The following MELK variants were observed in gnomAD, a reference collection of about 807,000 sequenced individuals.
MELK encodes the protein pEg3 kinase.
Under a neutral mutation model 85.0 loss-of-function variants are expected in MELK, and 81 were observed. That is an observed-to-expected ratio of 0.95 (90% CI 0.80 to 1.15). MELK has a LOEUF of 1.15. Ranked by LOEUF, MELK falls within the 50% of genes most tolerant of loss-of-function variation. The probability of loss-of-function intolerance (pLI) is 0.00; values close to 1 mark genes in which losing one functional copy is unlikely to be tolerated. For missense variants in MELK, 754 were observed against 777.5 expected (o/e 0.97, Z 0.36); for synonymous variants, 252 against 265.0 (o/e 0.95, Z 0.48).
intron 11 of MELK, among the ~76,000 whole-genome samples, chr9:36,649,756 G>A (rs191632879): frequency 2.6e-5 from 4 of 151,858 alleles, no homozygotes; most frequent in African/African-American, 7.3e-5. Flanking sequence ...GCGATAGAGC[G>A]AGACTCTATC....
intron 15 of MELK, 29 bp from the exon 16 acceptor site, chr9:36,670,969 C>A: frequency 6.3e-7 from 1 of 1,587,460 alleles, no homozygotes; most frequent in South Asian, 1.2e-5. Flanking sequence ...CCCAGCTCTA[C>A]TTGTGCCTTG....
intron 16 of MELK, among the ~76,000 whole-genome samples, 191 bp downstream of exon 16, chr9:36,671,357 C>T (rs895513820): frequency 2.6e-5 from 4 of 152,156 alleles, no homozygotes; most frequent in Non-Finnish European, 5.9e-5. Flanking sequence ...CAGTCACTCC[C>T]TTCAAGGAGC....
chr9:36,672,254 G>C (rs935249927), intron 16 of MELK, among the ~76,000 whole-genome samples: 1 of 152,032 alleles, frequency 6.6e-6, no homozygotes, highest in African/African-American at 2.4e-5. Flanking sequence ...CTGTGTATTA[G>C]GCATATTTTA....
At chr9:36,615,559 G>A (rs1299630936) in intron 8 of MELK, among the ~76,000 whole-genome samples, 1 of 137,340 alleles carries the variant, frequency 7.3e-6, no homozygotes, top group African/African-American at 3.2e-5. Context: ...CTTCCCAGAT[G>A]GGGTGGCTGC....
At chr9:36,594,244 T>C (rs1466359128) in intron 4 of MELK, among the ~76,000 whole-genome samples, 2 of 152,206 alleles carry the variant, frequency 1.3e-5, no homozygotes, top group East Asian at 3.8e-4. Flanking sequence ...GTCTTTGGGA[T>C]AGAGAAACAA....
At chr9:36,650,239 G>A (rs1212150080) in intron 11 of MELK, among the ~76,000 whole-genome samples, 1 of 145,844 alleles carries the variant, frequency 6.9e-6, no homozygotes, top group Non-Finnish European at 1.5e-5. Flanking sequence ...CACCGCACCC[G>A]GCCTCTATTT....
chr9:36,666,586 C>A (rs1225550901), intron 14 of MELK, among the ~76,000 whole-genome samples: 2 of 152,128 alleles, frequency 1.3e-5, no homozygotes, highest in Non-Finnish European at 2.9e-5. Flanking sequence ...TCTCAAGTTT[C>A]AAGATTCTAA....
At chr9:36,609,394 T>TGAG (rs1491313828) in intron 8 of MELK, among the ~76,000 whole-genome samples, 1 of 151,274 alleles carries the variant, frequency 6.6e-6, no homozygotes, top group Non-Finnish European at 1.5e-5. Context: ...CATAGCAAAC[T>TGAG]GAGGTCAGAC....
chr9:36,672,728 C>T (rs1203677921), intron 16 of MELK, among the ~76,000 whole-genome samples: 4 of 152,112 alleles, frequency 2.6e-5, no homozygotes, highest in African/African-American at 9.7e-5. Flanking sequence ...GATGTAGAAA[C>T]AAGACTCTAC....
chr9:36,652,129 C>A (rs1195726444), intron 12 of MELK, among the ~76,000 whole-genome samples: 1 of 139,808 alleles, frequency 7.2e-6, no homozygotes, highest in Non-Finnish European at 1.5e-5. Flanking sequence ...TCACTGCAAC[C>A]TCTGCCTCCG....
At chr9:36,608,300 AAAAG>A (rs1825758044) in intron 8 of MELK, among the ~76,000 whole-genome samples, 1 of 150,574 alleles carries the variant, frequency 6.6e-6, no homozygotes, top group Non-Finnish European at 1.5e-5. Flanking sequence ...AAAAAAAAAA[AAAAG>A]GCACATTCAC....
chr9:36,644,209 TTGTGTGTGTGTGTG>T (rs55796800), intron 11 of MELK, among the ~76,000 whole-genome samples: 80 of 145,414 alleles, frequency 5.5e-4, no homozygotes, highest in African/African-American at 1.7e-3. Flanking sequence ...TACCTGTGTT[TTGTGTGTGTGTGTG>T]TGTGTGTGTG....
At chr9:36,597,614 T>C (rs748364094) in intron 6 of MELK, among the ~76,000 whole-genome samples, 84 of 152,172 alleles carry the variant, frequency 5.5e-4, no homozygotes, top group Non-Finnish European at 1.1e-3. Flanking sequence ...GCAGTTTGAG[T>C]ATATTGCCAC....
At chr9:36,628,976 C>T (rs1210569922) in intron 8 of MELK, among the ~76,000 whole-genome samples, 2 of 150,840 alleles carry the variant, frequency 1.3e-5, no homozygotes, top group East Asian at 3.9e-4. Context: ...AAGCAGTTCT[C>T]CTGCCTCAGC....
intron 12 of MELK, among the ~76,000 whole-genome samples, chr9:36,652,307 A>G (rs1830788967): frequency 6.6e-6 from 1 of 150,526 alleles, no homozygotes; most frequent in Non-Finnish European, 1.5e-5. Context: ...TCGGCCTCCC[A>G]AAGTGCTGGG....
intron 12 of MELK, 104 bp from the exon 13 acceptor site, chr9:36,657,137 C>A: frequency 7.6e-7 from 1 of 1,308,610 alleles, no homozygotes; most frequent in Middle Eastern, 2.3e-4. Context: ...TTGCCTAATA[C>A]ATTTCTCAGA....
At chr9:36,667,622 T>C (rs1283416807) in intron 14 of MELK, among the ~76,000 whole-genome samples, 1 of 152,248 alleles carries the variant, frequency 6.6e-6, no homozygotes, top group African/African-American at 2.4e-5. Flanking sequence ...CGAGAAAGAT[T>C]GTGTTGGTCA....
intron 11 of MELK, among the ~76,000 whole-genome samples, chr9:36,645,615 C>T (rs958283208): frequency 2.6e-5 from 4 of 152,174 alleles, no homozygotes; most frequent in African/African-American, 7.2e-5. Context: ...AGGCTACTCA[C>T]TCTAGATCAG....
intron 5 of MELK, among the ~76,000 whole-genome samples, chr9:36,596,021 G>A (rs1238087596): frequency 2.6e-5 from 4 of 151,698 alleles, no homozygotes; most frequent in Non-Finnish European, 5.9e-5. Flanking sequence ...TTGCCATGTT[G>A]GCCAGGCTGG....
Sources: gnomAD v4.1 joint callset for allele counts (sites outside exome capture counted in the v4.1 genomes callset) on GRCh38, gnomAD v4.1.1 for gene constraint, MANE v1.5 for transcripts, NCBI Gene and HGNC (gene_info 2026-07-23, HGNC 2026-07-21) for gene names.